Variants in RBBP7 observed in about 807,000 individuals in gnomAD.
The protein encoded by RBBP7 is RB binding protein 7, chromatin remodeling factor.
RBBP7 carries 5 observed loss-of-function variants against 35.2 expected under a neutral mutation model. The ratio of observed to expected loss-of-function variants is 0.14; its 90% CI spans 0.07 to 0.30. The LOEUF (loss-of-function observed/expected upper bound fraction) is 0.30, where lower values mean the gene tolerates loss of function less well. Ranked by LOEUF, RBBP7 falls within the 10% of genes least tolerant of loss-of-function variation. The probability of loss-of-function intolerance (pLI) is 1.00; values close to 1 mark genes in which losing one functional copy is unlikely to be tolerated. For missense variants in RBBP7, 155 were observed against 327.5 expected (o/e 0.47, Z 4.07); for synonymous variants, 140 against 118.7 (o/e 1.18, Z -1.17).
At chrX:16,858,889 G>A in intron 3 of RBBP7, 40 bp from the exon 4 acceptor site, 1 of 1,181,183 alleles carries the variant, frequency 8.5e-7, no homozygotes, top group Non-Finnish European at 1.1e-6. Context: ...ACACACTCAG[G>A]ATTAAAATTC....
Position 16,853,859 on chromosome X carries a change from G to GAAA in RBBP7, c.598-20_598-18dup. On this transcript the variant is annotated splice_polypyrimidine_tract_variant and intron_variant, in intron 5 of 11. Transcript: ENST00000380087. ...ACAAACAGTCTAAGAGAGAAGGAGA[G>GAAA]AAAAAAAAAAGAACAAGGGCTATAA... 1.1e-6 allele frequency: 1 copy of GAAA among 911,267 alleles called. No individual in the cohort carries two copies. The highest frequency in any genetic ancestry group is 4.2e-5 in the Admixed American group (1 of 23,643). The allele number at this position is 911,267 out of a possible 1,213,427, so 75.1% of individuals were successfully genotyped here. A position where few individuals can be genotyped will look rare whatever the true frequency, so the allele number is the denominator to read the frequency against.
At chrX:16,846,530 T>C (rs755601359) in intron 10 of RBBP7, 2 of 112,155 alleles carry the variant, frequency 1.8e-5, no homozygotes, top group South Asian at 3.7e-4. Context: ...TCCAAAAGCA[T>C]AGCTCCAGAT....
At position 16,858,774 on chromosome X, in the gene RBBP7, C is replaced by T. The variant is rs1930404672; in HGVS notation, c.383G>A (p.Arg128His). ...AGGATTCTGCGGCATGTAACGAGCA[C>T]GGTTTACTTCTCCTTCGTGATTGAT... ...IKINHEGEVN[R>H]ARYMPQNPHI... The change falls in exon 4 of 12, where the codon CGT becomes CAT. Residue 128 changes from arginine to histidine, a missense_variant. Physicochemically the swap from Arg to His is conservative, Grantham distance 29. Coordinates refer to ENST00000380087, the MANE Select transcript of RBBP7 (RefSeq NM_002893.4). The T allele has an allele frequency of 8.3e-7, 1 of 1,211,504 alleles. No homozygotes were observed. Among genetic ancestry groups the T allele is most frequent in the Admixed American group, 2.2e-5 (1 of 45,947 alleles).
chrX:16,869,781 G>A (rs1458531282), intron 1 of RBBP7: 1 of 940,511 alleles, frequency 1.1e-6, no homozygotes, highest in Non-Finnish European at 1.3e-6. Flanking sequence ...GGCGCCGGAG[G>A]GAGCGCAGCC....
chrX:16,860,580 CG>C (rs1930448941), intron 3 of RBBP7, among the ~76,000 whole-genome samples: 1 of 105,933 alleles, frequency 9.4e-6, no homozygotes, highest in African/African-American at 3.5e-5. Flanking sequence ...CCCAGCTACT[CG>C]GGAAATCGCT....
chrX:16,849,368 A>G, intron 9 of RBBP7, 67 bp from the exon 10 acceptor site: 1 of 957,866 alleles, frequency 1.0e-6, no homozygotes, highest in East Asian at 3.2e-5. Flanking sequence ...CTGCTAAACC[A>G]GTATCAGCCC....
intron 4 of RBBP7, 72 bp from the exon 5 acceptor site, chrX:16,857,781 C>T: frequency 8.7e-7 from 1 of 1,145,904 alleles, no homozygotes. Context: ...CTCACTCCTT[C>T]ATTGAGTGAA....
chrX:16,853,662 C>T lies in RBBP7; in HGVS notation c.758+20G>A, dbSNP rs1380267390. The T allele has an allele frequency of 9.1e-7, 1 of 1,100,012 alleles. No individual in the cohort carries two copies. The highest frequency in any genetic ancestry group is 2.5e-5 in the South Asian group (1 of 40,800). 90.7% of individuals were successfully genotyped at this position (1,100,012 alleles called of 1,213,427 possible). On this transcript the variant is annotated intron_variant, in intron 6 of 11. Transcript: ENST00000380087. ...TCAGGTCACCCATTTAACAAGATCC[C>T]ACTGAATTTTCCACCTTACATCATA...
At chrX:16,855,517 C>T (rs1930327513) in intron 5 of RBBP7, among the ~76,000 whole-genome samples, 1 of 111,892 alleles carries the variant, frequency 8.9e-6, no homozygotes, top group African/African-American at 3.3e-5. Context: ...GGTGCTCCTG[C>T]CATTCACACT....
intron 8 of RBBP7, 69 bp from the exon 9 acceptor site, chrX:16,852,191 A>T: frequency 1.1e-6 from 1 of 924,911 alleles, no homozygotes; most frequent in Non-Finnish European, 1.6e-6. Context: ...CTGTTGTTCT[A>T]ATCTGATATT....
Position 16,849,277 on chromosome X carries a change from T to C in RBBP7, c.1065A>G (p.Ala355=). 8.3e-7 allele frequency: 1 copy of C among 1,210,858 alleles called. No homozygotes were observed. The highest frequency in any genetic ancestry group is 1.1e-6 in the Non-Finnish European group (1 of 894,869). The change falls in exon 10 of 12, where the codon GCA becomes GCG. Residue 355 remains alanine, a synonymous_variant. Transcript: ENST00000380087. Reference sequence around the variant, plus strand: ...CTGGAGGCCCATCTTCTGCATCTTCTGCTGATTGTTCTTCCCCAATTTTAC... The same window carrying C: ...CTGGAGGCCCATCTTCTGCATCTTCCGCTGATTGTTCTTCCCCAATTTTAC... ...DLSKIGEEQS[A]EDAEDGPPEL... is the part of the protein sequence containing the mutation.
intron 1 of RBBP7, 28 bp downstream of exon 1, chrX:16,869,981 TCGCGCGCCCGCCGCCCCCCGCGGCCCCGG>T: frequency 4.0e-6 from 3 of 751,637 alleles, no homozygotes; most frequent in South Asian, 1.3e-4. Context: ...TGCCGCGGCC[TCGCGCGCCCGCCGCCCCCCGCGGCCCCGG>T]CGCGCGCCGC....
chrX:16,847,725 AT>A (rs749567395), intron 10 of RBBP7: 294 of 91,771 alleles, frequency 3.2e-3, no homozygotes, highest in Admixed American at 2.7e-3. Flanking sequence ...TAATTTATGT[AT>A]TTTTTTTTTT....
At chrX:16,866,705 A>G (rs1930633828) in intron 2 of RBBP7, among the ~76,000 whole-genome samples, 1 of 110,607 alleles carries the variant, frequency 9.0e-6, no homozygotes, top group Non-Finnish European at 1.9e-5. Flanking sequence ...AGAAAGGCCT[A>G]TGAGGTGGAG....
intron 6 of RBBP7, 59 bp downstream of exon 6, chrX:16,853,623 T>C: frequency 1.0e-6 from 1 of 1,004,057 alleles, no homozygotes; most frequent in East Asian, 3.6e-5. Flanking sequence ...CCTGCAGCAA[T>C]CACTGATGGT....
At position 16,853,774 on chromosome X, in the gene RBBP7, A is replaced by G. The variant is rs1158937806; in HGVS notation, c.666T>C (p.Phe222=). The part of the protein sequence containing the change: ...EGKIVDAKAI[F]TGHSAVVEDV... ...CCTCTACAACAGCTGAGTGGCCAGT[A>G]AAGATGGCTTTAGCATCCACAATTT... The change falls in exon 6 of 12, where the codon TTT becomes TTC. Residue 222 remains phenylalanine (F), a synonymous_variant. Coordinates refer to ENST00000380087, the MANE Select transcript of RBBP7 (RefSeq NM_002893.4). The G allele has an allele frequency of 6.7e-6, 8 of 1,191,969 alleles. No individual in the cohort carries two copies. Among genetic ancestry groups the G allele is most frequent in the Admixed American group, 2.3e-5 (1 of 43,392 alleles).
chrX:16,856,040 T>G (rs1440141500), intron 5 of RBBP7, among the ~76,000 whole-genome samples: 4 of 64,080 alleles, frequency 6.2e-5, no homozygotes, highest in Non-Finnish European at 1.3e-4. Flanking sequence ...GACAACAGAA[T>G]GGGAGAAAAT....
chrX:16,854,302 A>ATG (rs1329855081), intron 5 of RBBP7, among the ~76,000 whole-genome samples: 3 of 111,577 alleles, frequency 2.7e-5, no homozygotes, highest in African/African-American at 6.5e-5. Flanking sequence ...ACAGAAGAGT[A>ATG]TGTGGCTGCA....
chrX:16,870,177 GC>G lies in RBBP7; in HGVS notation c.-125del. On this transcript the variant is annotated 5_prime_UTR_variant, in exon 1 of 12. The change abolishes the stop of an existing upstream ORF in the 5' untranslated region. Transcript: ENST00000380087. ...ACACTCCCCACTGTCGAAAGCCCGG[GC>G]CCCGTCTTGCTGCCTGGGTGCTCCC... is the stretch of plus-strand genomic sequence containing the variant. 2 of 851,246 alleles carry G rather than the reference GC, an allele frequency of 2.3e-6. No individual in the cohort carries two copies. Among genetic ancestry groups the G allele is most frequent in the Non-Finnish European group, 2.9e-6 (2 of 686,215 alleles). The allele number at this position is 851,246 out of a possible 1,213,427, so 70.2% of individuals were successfully genotyped here. A position where few individuals can be genotyped will look rare whatever the true frequency, so the allele number is the denominator to read the frequency against.
Sources: gnomAD v4.1 joint callset for allele counts (sites outside exome capture counted in the v4.1 genomes callset) on GRCh38, gnomAD v4.1.1 for gene constraint, MANE v1.5 for transcripts, NCBI Gene and HGNC (gene_info 2026-07-23, HGNC 2026-07-21) for gene names.